Variants in IGF2BP2 observed in about 807,000 individuals in gnomAD.
The protein encoded by IGF2BP2 is insulin-like growth factor 2 mRNA-binding protein 2.
IGF2BP2 carries 17 observed loss-of-function variants against 75.8 expected under a neutral mutation model. The observed-to-expected ratio is 0.22, with a 90% CI of 0.15 to 0.34. The LOEUF (loss-of-function observed/expected upper bound fraction) is 0.34, where lower values mean the gene tolerates loss of function less well. Ranked by LOEUF, IGF2BP2 falls within the 10% of genes least tolerant of loss-of-function variation. The probability of loss-of-function intolerance (pLI) is 1.00; values close to 1 mark genes in which losing one functional copy is unlikely to be tolerated. For missense variants in IGF2BP2, 516 were observed against 772.4 expected (o/e 0.67, Z 3.93); for synonymous variants, 288 against 295.6 (o/e 0.97, Z 0.26).
intron 2 of IGF2BP2, among the ~76,000 whole-genome samples, chr3:185,700,018 G>A (rs1235755881): frequency 2.0e-5 from 3 of 152,094 alleles, no homozygotes; most frequent in Non-Finnish European, 2.9e-5. Context: ...TGTTTTAATA[G>A]AAGAGCTTGA....
intron 2 of IGF2BP2, among the ~76,000 whole-genome samples, chr3:185,787,333 G>A (rs1387261909): frequency 6.6e-6 from 1 of 151,866 alleles, no homozygotes; most frequent in Non-Finnish European, 1.5e-5. Flanking sequence ...ATCACTTAAA[G>A]AAATAAAAAA....
chr3:185,813,420 G>C (rs1740172855), intron 2 of IGF2BP2, among the ~76,000 whole-genome samples: 1 of 152,052 alleles, frequency 6.6e-6, no homozygotes, highest in African/African-American at 2.4e-5. Context: ...GTTTTACAAG[G>C]CTTAGTTTAC....
chr3:185,798,157 C>A (rs1438688617), intron 2 of IGF2BP2, among the ~76,000 whole-genome samples: 1 of 151,954 alleles, frequency 6.6e-6, no homozygotes, highest in Non-Finnish European at 1.5e-5. Flanking sequence ...GCTGAGATTG[C>A]GCCACTGCAC....
At chr3:185,713,242 G>A (rs542433477) in intron 2 of IGF2BP2, 2 of 353,098 alleles carry the variant, frequency 5.7e-6, no homozygotes, top group South Asian at 2.2e-5. Context: ...ACAGAACTCT[G>A]GCCCATAACT....
At chr3:185,700,370 AT>A (rs1437099629) in intron 2 of IGF2BP2, among the ~76,000 whole-genome samples, 3 of 152,168 alleles carry the variant, frequency 2.0e-5, no homozygotes, top group Non-Finnish European at 4.4e-5. Context: ...TTTTTTAAAT[AT>A]TAATGTATTC....
rs16860201 is a variant in IGF2BP2 at position 185,733,426 on chromosome 3, A to G, written c.240-35079T>C. Among the ~76,000 whole-genome samples the G allele has an allele frequency of 2.4e-3, 366 of 152,322 alleles. 8 individuals are homozygous for G. The East Asian group carries it at 0.058, about 24-fold the overall frequency. On this transcript the variant is annotated intron_variant, in intron 2 of 15. Transcript: ENST00000382199. The stretch of plus-strand genomic sequence containing the variant: ...AAGTCCTATGTTAGCAAAGGCAGAC[A>G]AAGAAAGCCCTATGTGTTTAAAATT...
At chr3:185,674,122 A>G (rs1718933004) in intron 9 of IGF2BP2, among the ~76,000 whole-genome samples, 1 of 152,222 alleles carries the variant, frequency 6.6e-6, no homozygotes, top group African/African-American at 2.4e-5. Context: ...TATAGAGGGT[A>G]CAACAGAAAG....
At chr3:185,655,549 C>T (rs192744118) in intron 12 of IGF2BP2, among the ~76,000 whole-genome samples, 1 of 152,184 alleles carries the variant, frequency 6.6e-6, no homozygotes, top group Admixed American at 6.5e-5. Flanking sequence ...GTTGGCCCAG[C>T]ATAAAAAACA....
intron 2 of IGF2BP2, among the ~76,000 whole-genome samples, chr3:185,801,952 T>G (rs941629859): frequency 7.3e-5 from 11 of 151,596 alleles, no homozygotes; most frequent in Admixed American, 1.3e-4. Context: ...CACTCATAAG[T>G]GGGAGTTGAA....
chr3:185,661,569 AAG>A lies in IGF2BP2; in HGVS notation c.1201-3162_1201-3161del, dbSNP rs570408088. Among the ~76,000 whole-genome samples the A allele has an allele frequency of 3.6e-3, 536 of 150,746 alleles. 3 individuals carry two copies. The highest frequency in any genetic ancestry group is 0.013 in the African/African-American group (512 of 40,926). ...GGAGAATCGCTTGAACCCGGGAGAC[AAG>A]AGGTTTCAGTGAGCCGAGATCATGC... On this transcript the variant is annotated intron_variant, in intron 10 of 15. Transcript: ENST00000382199.
intron 15 of IGF2BP2, chr3:185,646,817 A>G: frequency 1.7e-6 from 1 of 587,222 alleles, no homozygotes; most frequent in Non-Finnish European, 3.0e-6. Flanking sequence ...CCTAGCATAC[A>G]TACCTCGGGG....
chr3:185,689,273 T>C lies in IGF2BP2; in HGVS notation c.677+82A>G. On this transcript the variant is annotated intron_variant, in intron 6 of 15. Coordinates refer to ENST00000382199, the MANE Select transcript of IGF2BP2 (RefSeq NM_006548.6). ...AGCCCCCCACTGCTGATGTAAGCAA[T>C]TGTGACCTAAGAGTGGCTGAGACCC... The C allele has an allele frequency of 3.5e-6, 5 of 1,442,798 alleles. No individual in the cohort carries two copies. In the South Asian group the frequency reaches 6.5e-5, roughly 19 times the overall value. 89.4% of individuals were successfully genotyped at this position (1,442,798 alleles called of 1,614,324 possible).
rs1031776329 is a variant in IGF2BP2 at position 185,675,352 on chromosome 3, T to C, written c.1015A>G (p.Ile339Val). Residue 339 changes from isoleucine (I) to valine (V), a missense_variant, in exon 9 of 16, where the codon ATA becomes GTA. Physicochemically the swap from Ile to Val is conservative, Grantham distance 29. This residue lies in a region of IGF2BP2 where 312 missense variants were observed against 474.5 expected (regional missense o/e 0.66). Coordinates refer to ENST00000382199, the MANE Select transcript of IGF2BP2 (RefSeq NM_006548.6). ...GTVEACASAE[I>V]EIMKKLREAF... ...TCACGCAGCTTCTTCATAATCTCTA[T>C]CTCAGCACTGGCACAGGCCTCAACT... 14 of 1,612,496 alleles carry C rather than the reference T, an allele frequency of 8.7e-6. No homozygotes were observed. The Admixed American group carries it at 1.7e-4, about 19-fold the overall frequency.
At position 185,647,473 on chromosome 3, in the gene IGF2BP2, C is replaced by G. The variant is rs563009057; in HGVS notation, c.1594-335G>C. Among the ~76,000 whole-genome samples, 1 of 152,116 alleles carries G rather than the reference C, an allele frequency of 6.6e-6. No individual in the cohort carries two copies. The highest frequency in any genetic ancestry group is 1.5e-5 in the Non-Finnish European group (1 of 68,018). On this transcript the variant is annotated intron_variant, in intron 14 of 15. Coordinates refer to ENST00000382199, the MANE Select transcript of IGF2BP2 (RefSeq NM_006548.6). The surrounding 1 kb of genome is among the most constrained non-coding windows in gnomAD (Gnocchi z 4.9). ...GACCCCAGGCTTTCCCATACCCCCC[C>G]ACTCCCCACCCCTACCCTGTAAGAT... is the stretch of plus-strand genomic sequence containing the variant.
At chr3:185,693,424 AT>A (rs1722205435) in intron 4 of IGF2BP2, among the ~76,000 whole-genome samples, 1 of 152,230 alleles carries the variant, frequency 6.6e-6, no homozygotes, top group African/African-American at 2.4e-5. Context: ...AATTTAAATT[AT>A]TCATTCACTG....
At chr3:185,822,399 CTT>C (rs1741479586) in intron 2 of IGF2BP2, among the ~76,000 whole-genome samples, 1 of 152,136 alleles carries the variant, frequency 6.6e-6, no homozygotes, top group Non-Finnish European at 1.5e-5. Context: ...CCACAATAAA[CTT>C]TAAACAAAGA....
At chr3:185,788,031 C>T (rs966532526) in intron 2 of IGF2BP2, among the ~76,000 whole-genome samples, 2 of 152,198 alleles carry the variant, frequency 1.3e-5, no homozygotes, top group East Asian at 3.8e-4. Context: ...ATCTAAGTTG[C>T]ATGAAAGCAA....
At chr3:185,720,557 T>C (rs556545188) in intron 2 of IGF2BP2, among the ~76,000 whole-genome samples, 1 of 152,202 alleles carries the variant, frequency 6.6e-6, no homozygotes, top group Admixed American at 6.5e-5. Context: ...GGGAGCCCTC[T>C]AGCACAGCAC....
chr3:185,785,802 G>T (rs74976677), intron 2 of IGF2BP2, among the ~76,000 whole-genome samples: 11,986 of 152,228 alleles, frequency 0.079, 722 homozygotes, highest in African/African-American at 0.17. Flanking sequence ...AACAAAGGGA[G>T]ACCCGCCTCT....
Sources: gnomAD v4.1 joint callset for allele counts (sites outside exome capture counted in the v4.1 genomes callset) on GRCh38, gnomAD v4.1.1 for gene constraint, gnomAD v4.1.1 regional missense constraint, Gnocchi (gnomAD v3.1) non-coding constraint, MANE v1.5 for transcripts, NCBI Gene and HGNC (gene_info 2026-07-23, HGNC 2026-07-21) for gene names.